The following KATNIP variants were observed in gnomAD, a reference collection of about 807,000 sequenced individuals.
KATNIP encodes the protein katanin-interacting protein.
A neutral mutation model predicts 174.0 loss-of-function variants in KATNIP; 126 were observed. The ratio of observed to expected loss-of-function variants is 0.72; its 90% CI spans 0.63 to 0.84. KATNIP has a LOEUF of 0.84. Among genes scored for constraint, KATNIP ranks in the 40% least tolerant of loss-of-function variants. The pLI is 0.00. For missense variants in KATNIP, 1,958 were observed against 2,109.7 expected, an observed-to-expected ratio of 0.93 and a Z score of 1.41; for synonymous variants, 810 against 835.7, an observed-to-expected ratio of 0.97 and a Z score of 0.53.
intron 3 of KATNIP, among the ~76,000 whole-genome samples, chr16:27,619,454 G>A (rs1272676066): frequency 6.6e-6 from 1 of 152,232 alleles, no homozygotes; most frequent in Admixed American, 6.5e-5. Flanking sequence ...GGGTACGAAT[G>A]TGGGCCTCTG....
intron 11 of KATNIP, among the ~76,000 whole-genome samples, chr16:27,703,167 CAA>C (rs1032003109): frequency 8.1e-5 from 10 of 122,744 alleles, no homozygotes; most frequent in Admixed American, 8.5e-5. Context: ...AACTCCATCT[CAA>C]AAAAAAAAAA....
At chr16:27,756,600 C>G (rs938033086) in intron 18 of KATNIP, among the ~76,000 whole-genome samples, 2 of 152,208 alleles carry the variant, frequency 1.3e-5, no homozygotes, top group African/African-American at 2.4e-5. Context: ...ACATCAGAAG[C>G]CTGTGTGCAA....
chr16:27,676,616 A>C (rs561773875), intron 6 of KATNIP, among the ~76,000 whole-genome samples: 21 of 152,242 alleles, frequency 1.4e-4, no homozygotes, highest in Non-Finnish European at 2.4e-4. Context: ...TATAGGCTAC[A>C]AGGGGTAGTA....
At chr16:27,683,126 G>A (rs1376477984) in intron 8 of KATNIP, among the ~76,000 whole-genome samples, 1 of 152,206 alleles carries the variant, frequency 6.6e-6, no homozygotes, top group East Asian at 1.9e-4. Context: ...TAGGATTTGA[G>A]TCTGTGTCAC....
At chr16:27,555,751 G>A (rs1164587528) in intron 1 of KATNIP, among the ~76,000 whole-genome samples, 1 of 151,868 alleles carries the variant, frequency 6.6e-6, no homozygotes, top group African/African-American at 2.4e-5. Context: ...CAGGAGAATC[G>A]CTTGAATCTG....
chr16:27,664,541 T>C (rs975620829), intron 6 of KATNIP, among the ~76,000 whole-genome samples: 13 of 152,272 alleles, frequency 8.5e-5, no homozygotes, highest in African/African-American at 3.1e-4. Flanking sequence ...AGGCATGGAG[T>C]GCTCAGAGCC....
At chr16:27,702,542 A>T (rs571762342) in intron 11 of KATNIP, among the ~76,000 whole-genome samples, 160 of 152,312 alleles carry the variant, frequency 1.1e-3, no homozygotes, top group African/African-American at 3.6e-3. Flanking sequence ...ACAGCTGTGC[A>T]TGTTGTGCAC....
rs1266024611 is a variant in KATNIP, at chr16:27,766,317, A to T, written c.3818A>T (p.Asp1273Val). 1 of 1,614,030 alleles carries T rather than the reference A, an allele frequency of 6.2e-7. No individual in the cohort carries two copies. The highest frequency in any genetic ancestry group is 8.5e-7 in the Non-Finnish European group (1 of 1,180,006). Residue 1273 changes from aspartate (D) to valine (V), a missense_variant, in exon 20 of 28, where the codon GAT (aspartate) becomes GTT (valine). Asp to Val is a radical substitution (Grantham distance 152). Coordinates refer to ENST00000261588, the MANE Select transcript of KATNIP (RefSeq NM_015202.5). ...CGTCCCCATTGCTGCAGGTTAATTGATGGCACCAACATCACCATGGAGGAT... is the reference window on the plus strand; with the variant it reads ...CGTCCCCATTGCTGCAGGTTAATTGTTGGCACCAACATCACCATGGAGGAT... ...DDSRALDKLI[D>V]GTNITMEDEH...
chr16:27,699,621 A>G (rs1399263199), intron 10 of KATNIP, 22 bp downstream of exon 10: 8 of 1,613,726 alleles, frequency 5.0e-6, no homozygotes, highest in South Asian at 1.1e-5. Context: ...GCAGAGATGA[A>G]TGACAAAGCC....
intron 1 of KATNIP, among the ~76,000 whole-genome samples, chr16:27,556,694 G>T (rs1326315880): frequency 1.3e-5 from 2 of 152,124 alleles, no homozygotes; most frequent in Admixed American, 1.3e-4. Context: ...TACACCATCG[G>T]TTTAGCTGGT....
chr16:27,701,421 GTTCTAGATAGAAGC>G, intron 10 of KATNIP, 154 bp from the exon 11 acceptor site: 1 of 597,478 alleles, frequency 1.7e-6, no homozygotes, highest in African/African-American at 1.9e-5. Flanking sequence ...GGTGTGAGGG[GTTCTAGATAGAAGC>G]TCCAGGCAGT....
At chr16:27,702,388 T>C (rs1038904398) in intron 11 of KATNIP, among the ~76,000 whole-genome samples, 3 of 152,318 alleles carry the variant, frequency 2.0e-5, no homozygotes, top group East Asian at 1.9e-4. Flanking sequence ...TAGCAGCAGT[T>C]ATTGGAACTG....
chr16:27,681,299 T>C, intron 7 of KATNIP, 100 bp from the exon 8 acceptor site: 1 of 1,450,812 alleles, frequency 6.9e-7, no homozygotes, highest in South Asian at 1.2e-5. Context: ...CGTAGACATT[T>C]GTTGAATGAG....
intron 1 of KATNIP, among the ~76,000 whole-genome samples, chr16:27,568,458 C>T (rs977813427): frequency 3.3e-5 from 5 of 151,760 alleles, no homozygotes; most frequent in Non-Finnish European, 7.4e-5. Context: ...GGCCTTGCCC[C>T]GGGAATAAGA....
chr16:27,699,207 G>A (rs1471089833), intron 9 of KATNIP, among the ~76,000 whole-genome samples: 1 of 152,154 alleles, frequency 6.6e-6, no homozygotes, highest in Non-Finnish European at 1.5e-5. Context: ...TATGGCCACT[G>A]GTACCCAGAG....
intron 8 of KATNIP, among the ~76,000 whole-genome samples, chr16:27,688,458 G>T (rs951568494): frequency 6.6e-6 from 1 of 152,098 alleles, no homozygotes; most frequent in Non-Finnish European, 1.5e-5. Flanking sequence ...GGACATGGTG[G>T]CGGTCACCTG....
chr16:27,584,902 C>T (rs909844665), intron 2 of KATNIP, among the ~76,000 whole-genome samples: 8 of 152,248 alleles, frequency 5.3e-5, no homozygotes, highest in Admixed American at 2.6e-4. Context: ...AGGCTCAGAG[C>T]GGTGAGACAG....
In KATNIP at chr16:27,754,162, C is replaced by A. The variant is rs1253205780; in HGVS notation, c.3553-11C>A. On this transcript the variant is annotated splice_polypyrimidine_tract_variant and intron_variant, in intron 17 of 27. Transcript: ENST00000261588. ...ACCCCCTTTTCCTCTGCTTCTCCAA[C>A]CCATGTGCAGATCCCGGAGCTAGAG... 2 of 1,612,958 alleles carry A rather than the reference C, an allele frequency of 1.2e-6. No individual in the cohort carries two copies. The highest frequency in any genetic ancestry group is 2.7e-5 in the African/African-American group (2 of 74,902).
At chr16:27,752,126 T>C (rs538421363) in intron 17 of KATNIP, among the ~76,000 whole-genome samples, 7 of 152,238 alleles carry the variant, frequency 4.6e-5, no homozygotes, top group Non-Finnish European at 8.8e-5. Context: ...TATTTTTTTT[T>C]AACCGAAGTA....
Sources: allele counts gnomAD v4.1 joint callset (sites outside exome capture counted in the v4.1 genomes callset), GRCh38; gene constraint gnomAD v4.1.1; transcripts MANE v1.5; gene names NCBI Gene and HGNC (gene_info 2026-07-23, HGNC 2026-07-21).